PDE4D: variants seen among roughly 807,000 people sequenced by gnomAD.
PDE4D encodes phosphodiesterase 4D.
A neutral mutation model predicts 87.4 loss-of-function variants in PDE4D; 24 were observed. That is an observed-to-expected ratio of 0.27 (90% confidence interval 0.20 to 0.39). The LOEUF (loss-of-function observed/expected upper bound fraction) is 0.39. Ranked by LOEUF, PDE4D falls within the 10% of genes least tolerant of loss-of-function variation. PDE4D has a pLI of 1.00. For synonymous variants in PDE4D, 384 were observed against 383.2 expected (o/e 1.00, Z -0.02); for missense variants, 714 against 1,041.0 (o/e 0.69, Z 4.32).
intron 2 of PDE4D, among the ~76,000 whole-genome samples, chr5:60,058,053 T>C (rs1770977292): frequency 1.3e-5 from 2 of 151,898 alleles, no homozygotes; most frequent in Non-Finnish European, 1.5e-5. Context: ...GGCAAGAAAA[T>C]ACTGATCCTC....
intron 1 of PDE4D, among the ~76,000 whole-genome samples, chr5:59,243,767 T>C (rs767638000): frequency 6.6e-6 from 1 of 152,058 alleles, no homozygotes; most frequent in Admixed American, 6.6e-5. Flanking sequence ...TTTTTTTATA[T>C]GTAGGCTTAA....
chr5:59,846,394 T>G (rs1015025974), intron 1 of PDE4D, among the ~76,000 whole-genome samples: 1 of 152,024 alleles, frequency 6.6e-6, no homozygotes, highest in Admixed American at 6.6e-5. Context: ...CAAGCTTTGT[T>G]TCATAAAAAC....
chr5:59,768,527 T>C (rs748581955), intron 1 of PDE4D: 3 of 1,597,182 alleles, frequency 1.9e-6, no homozygotes, highest in Non-Finnish European at 1.7e-6. Flanking sequence ...GTCAACTTTG[T>C]ACAGCTGGCA....
chr5:59,859,152 T>C (rs1313179924), intron 1 of PDE4D, among the ~76,000 whole-genome samples: 1 of 152,196 alleles, frequency 6.6e-6, no homozygotes, highest in Admixed American at 6.5e-5. Flanking sequence ...CATCTTTCAT[T>C]TCCTAGGGAG....
chr5:59,627,067 C>G (rs1192801447), intron 1 of PDE4D, among the ~76,000 whole-genome samples: 2 of 152,190 alleles, frequency 1.3e-5, no homozygotes, highest in Non-Finnish European at 2.9e-5. Context: ...CTATTCACTT[C>G]CTAATGAAGG....
At chr5:60,351,532 T>G (rs1335410060) in intron 1 of PDE4D, among the ~76,000 whole-genome samples, 7 of 152,088 alleles carry the variant, frequency 4.6e-5, no homozygotes, top group African/African-American at 1.7e-4. Flanking sequence ...GAGTTGATCT[T>G]GAGAATGTGA....
At chr5:59,669,779 C>T (rs796929744) in intron 1 of PDE4D, among the ~76,000 whole-genome samples, 1 of 151,648 alleles carries the variant, frequency 6.6e-6, no homozygotes, top group Non-Finnish European at 1.5e-5. Context: ...CTAAAGACAC[C>T]CCCCCCAATA....
At chr5:58,996,211 G>A (rs951619962) in intron 6 of PDE4D, among the ~76,000 whole-genome samples, 7 of 152,012 alleles carry the variant, frequency 4.6e-5, no homozygotes, top group South Asian at 2.1e-4. Flanking sequence ...TGCAGCAAAC[G>A]ACCATGGCAT....
chr5:59,389,081 A>C (rs1787708007), intron 1 of PDE4D, among the ~76,000 whole-genome samples: 3 of 152,148 alleles, frequency 2.0e-5, no homozygotes, highest in Admixed American at 6.6e-5. Flanking sequence ...GAAGCCCCTG[A>C]AACTATATGA....
intron 1 of PDE4D, among the ~76,000 whole-genome samples, chr5:60,335,489 G>A (rs981222068): frequency 2.0e-5 from 3 of 152,162 alleles, no homozygotes; most frequent in African/African-American, 7.2e-5. Flanking sequence ...AGACACTCTT[G>A]AGCAGTAGGA....
intron 1 of PDE4D, among the ~76,000 whole-genome samples, chr5:60,207,399 G>A (rs931429230): frequency 6.6e-6 from 1 of 152,218 alleles, no homozygotes; most frequent in Non-Finnish European, 1.5e-5. Context: ...AGAATGGCAT[G>A]GCAGGGCCCT....
chr5:59,082,354 A>G (rs1459155364), intron 5 of PDE4D, among the ~76,000 whole-genome samples: 2 of 152,192 alleles, frequency 1.3e-5, no homozygotes, highest in Non-Finnish European at 2.9e-5. Flanking sequence ...GTAAGCAACC[A>G]AACAAGAAAA....
chr5:59,389,430 C>T (rs1787791733), intron 1 of PDE4D, among the ~76,000 whole-genome samples: 1 of 151,682 alleles, frequency 6.6e-6, no homozygotes, highest in South Asian at 2.1e-4. Context: ...CAGACAGAGC[C>T]TCTTTAAAAG....
chr5:59,189,232 G>GTTTTT, intron 3 of PDE4D, among the ~76,000 whole-genome samples: 1 of 99,924 alleles, frequency 1.0e-5, no homozygotes, highest in South Asian at 3.5e-4. Context: ...TTCCTACCCC[G>GTTTTT]TTTTTTTTTT....
intron 1 of PDE4D, among the ~76,000 whole-genome samples, chr5:60,479,978 AG>A (rs1466582924): frequency 6.6e-6 from 1 of 152,212 alleles, no homozygotes; most frequent in Admixed American, 6.5e-5. Flanking sequence ...TTTTAAAGCA[AG>A]GGTACTAGTA....
At chr5:59,544,462 C>T (rs927581818) in intron 1 of PDE4D, among the ~76,000 whole-genome samples, 1 of 152,122 alleles carries the variant, frequency 6.6e-6, no homozygotes, top group Non-Finnish European at 1.5e-5. Context: ...AGAATTTAAC[C>T]CTTTTAATCA....
At chr5:60,088,328 AC>A (rs1301242346) in intron 2 of PDE4D, among the ~76,000 whole-genome samples, 10 of 152,050 alleles carry the variant, frequency 6.6e-5, no homozygotes, top group Admixed American at 3.9e-4. Flanking sequence ...AAACAAAAAA[AC>A]CTAAAGTATG....
intron 1 of PDE4D, among the ~76,000 whole-genome samples, chr5:59,867,230 C>T (rs908655276): frequency 1.3e-5 from 2 of 152,026 alleles, no homozygotes; most frequent in African/African-American, 2.4e-5. Flanking sequence ...CTTCAAGAGT[C>T]ACTTCTATGA....
chr5:59,390,130 T>A (rs1787943871), intron 1 of PDE4D, among the ~76,000 whole-genome samples: 2 of 152,020 alleles, frequency 1.3e-5, no homozygotes. Flanking sequence ...TTATTATGCA[T>A]CAATACAAAT....
Sources: gnomAD v4.1 joint callset for allele counts (sites outside exome capture counted in the v4.1 genomes callset) on GRCh38, gnomAD v4.1.1 for gene constraint, MANE v1.5 for transcripts, NCBI Gene and HGNC (gene_info 2026-07-23, HGNC 2026-07-21) for gene names.